Variants in TSGA10 observed in about 807,000 individuals in gnomAD.
TSGA10 encodes testis-specific gene 10 protein.
Under a neutral mutation model 96.6 loss-of-function variants are expected in TSGA10, and 43 were observed. That is an observed-to-expected ratio of 0.44 (90% CI 0.35 to 0.57). The LOEUF is 0.57. TSGA10 is among the 20% of genes least tolerant of loss of function. The pLI is 0.01. For missense variants in TSGA10, 703 were observed against 834.4 expected (o/e 0.84, Z 1.94); for synonymous variants, 229 against 269.9 (o/e 0.85, Z 1.48).
chr2:98,998,991 G>T (rs578143214), intron 20 of TSGA10, among the ~76,000 whole-genome samples: 21 of 152,206 alleles, frequency 1.4e-4, no homozygotes, highest in African/African-American at 4.8e-4. Flanking sequence ...CTGCCCCCAG[G>T]TTCAAGCAAA....
chr2:99,091,061 T>C (rs756217576), intron 10 of TSGA10, among the ~76,000 whole-genome samples: 3 of 152,182 alleles, frequency 2.0e-5, no homozygotes, highest in Non-Finnish European at 4.4e-5. Flanking sequence ...ACCTTTCAGA[T>C]TAACAGCAAA....
At chr2:99,017,468 T>C (rs2079608158) in intron 20 of TSGA10, among the ~76,000 whole-genome samples, 1 of 152,138 alleles carries the variant, frequency 6.6e-6, no homozygotes, top group African/African-American at 2.4e-5. Context: ...ATGAAAGTTA[T>C]AAGAATGATA....
intron 15 of TSGA10, among the ~76,000 whole-genome samples, chr2:99,067,067 GTCTT>G (rs936829967): frequency 1.3e-5 from 2 of 152,088 alleles, no homozygotes; most frequent in African/African-American, 4.8e-5. Context: ...TTCAAAGAAG[GTCTT>G]TCTTACCTCT....
rs146035709 is a variant in TSGA10, at chr2:99,137,520, T to C, written c.-620-10344A>G. On this transcript the variant is annotated intron_variant, in intron 1 of 20. Transcript: ENST00000393483. ...TATTTTTAATTGCAGTGGGAAGCCA[T>C]TGGTGTATTTTTGAGCCAGGATCAT... Among the ~76,000 whole-genome samples, 533 of 152,276 alleles carry C rather than the reference T, an allele frequency of 3.5e-3. 5 individuals carry two copies. The highest frequency in any genetic ancestry group is 0.012 in the African/African-American group (510 of 41,552).
At chr2:99,140,565 T>C (rs1426212058) in intron 1 of TSGA10, among the ~76,000 whole-genome samples, 1 of 152,048 alleles carries the variant, frequency 6.6e-6, no homozygotes, top group African/African-American at 2.4e-5. Context: ...AATTTAAGTC[T>C]CAAATAGTTT....
intron 20 of TSGA10, among the ~76,000 whole-genome samples, chr2:99,017,182 A>G (rs2079579114): frequency 6.6e-6 from 1 of 152,228 alleles, no homozygotes; most frequent in Admixed American, 6.5e-5. Context: ...AAAAGTCATT[A>G]TATGAAAAAG....
At chr2:99,021,890 C>G (rs752600026) in intron 17 of TSGA10, among the ~76,000 whole-genome samples, 1 of 152,066 alleles carries the variant, frequency 6.6e-6, no homozygotes, top group Non-Finnish European at 1.5e-5. Context: ...ACTTTGCTGG[C>G]AGGAGTAGAA....
chr2:99,128,380 A>G (rs2092928944), intron 1 of TSGA10, among the ~76,000 whole-genome samples: 4 of 152,004 alleles, frequency 2.6e-5, no homozygotes, highest in African/African-American at 9.7e-5. Context: ...CCTAACTACC[A>G]TTTCTTACAT....
At chr2:99,089,020 T>C (rs2088934268) in intron 10 of TSGA10, among the ~76,000 whole-genome samples, 1 of 152,008 alleles carries the variant, frequency 6.6e-6, no homozygotes, top group East Asian at 1.9e-4. Flanking sequence ...CACAGACCCT[T>C]TGAAGGAAGA....
chr2:99,130,380 A>G (rs576366297), intron 1 of TSGA10, among the ~76,000 whole-genome samples: 28 of 152,246 alleles, frequency 1.8e-4, no homozygotes, highest in African/African-American at 5.5e-4. Flanking sequence ...CTAATGACCA[A>G]TGATGAGCTT....
intron 20 of TSGA10, among the ~76,000 whole-genome samples, chr2:99,005,523 G>A (rs2078387031): frequency 6.6e-6 from 1 of 152,128 alleles, no homozygotes; most frequent in African/African-American, 2.4e-5. Context: ...GCCAAATCAT[G>A]AGTGAACTCC....
chr2:99,106,908 G>A (rs1405151711), intron 7 of TSGA10, among the ~76,000 whole-genome samples: 1 of 152,084 alleles, frequency 6.6e-6, no homozygotes, highest in East Asian at 1.9e-4. Context: ...CATCCACTCT[G>A]AAGGCTCGAA....
chr2:99,147,152 T>G, intron 1 of TSGA10: 5 of 279,216 alleles, frequency 1.8e-5, no homozygotes, highest in African/African-American at 2.2e-5. Context: ...CTTTGTGGCA[T>G]ATCTTTTTGT....
rs372739150 is a variant in TSGA10 at position 99,018,520 on chromosome 2, A to G, written c.1922+16T>C. 7.6e-5 allele frequency: 123 copies of G among 1,609,268 alleles called. No individual in the cohort carries two copies. The highest frequency in any genetic ancestry group is 9.3e-5 in the Non-Finnish European group (109 of 1,177,838). On this transcript the variant is annotated intron_variant, in intron 19 of 20. Transcript: ENST00000393483. ...TGAAAAGCATTGTTTTTGAGCTTGCATAGAGATAAACTTACCTTTCAAAGC... is the reference window on the plus strand; with the variant it reads ...TGAAAAGCATTGTTTTTGAGCTTGCGTAGAGATAAACTTACCTTTCAAAGC...
intron 4 of TSGA10, among the ~76,000 whole-genome samples, chr2:99,114,297 A>C (rs2092064147): frequency 6.6e-6 from 1 of 152,140 alleles, no homozygotes; most frequent in Non-Finnish European, 1.5e-5. Flanking sequence ...ATGCATATCT[A>C]ATGTCTTAGG....
intron 1 of TSGA10, among the ~76,000 whole-genome samples, chr2:99,143,305 C>CTT (rs11392712): frequency 2.7e-5 from 4 of 149,392 alleles, no homozygotes; most frequent in Admixed American, 2.0e-4. Flanking sequence ...CTACGCCCAG[C>CTT]TTTTTTTTTG....
chr2:99,139,668 C>T (rs763418766), intron 1 of TSGA10, among the ~76,000 whole-genome samples: 77 of 151,958 alleles, frequency 5.1e-4, no homozygotes, highest in Non-Finnish European at 8.8e-5. Flanking sequence ...TTTTGGGAAA[C>T]AATCAGCAAA....
intron 10 of TSGA10, among the ~76,000 whole-genome samples, chr2:99,088,353 C>T (rs989363084): frequency 1.3e-5 from 2 of 152,092 alleles, no homozygotes; most frequent in African/African-American, 2.4e-5. Context: ...TCTCTTACTG[C>T]ACCTAATTTA....
chr2:99,002,305 G>A (rs1309107930), intron 20 of TSGA10, among the ~76,000 whole-genome samples: 1 of 152,216 alleles, frequency 6.6e-6, no homozygotes, highest in Non-Finnish European at 1.5e-5. Flanking sequence ...AACTCCACAA[G>A]CCAGAAGACA....
Sources: allele counts gnomAD v4.1 joint callset (sites outside exome capture counted in the v4.1 genomes callset), GRCh38; gene constraint gnomAD v4.1.1; transcripts MANE v1.5; gene names NCBI Gene and HGNC (gene_info 2026-07-23, HGNC 2026-07-21).